Variants in CIPC observed in about 807,000 individuals in gnomAD.
CIPC encodes the protein CLOCK interacting pacemaker, also known as CLOCK-interacting pacemaker.
A neutral mutation model predicts 26.7 loss-of-function variants in CIPC; 12 were observed. That is an observed-to-expected ratio of 0.45 (90% CI 0.29 to 0.73). CIPC has a LOEUF of 0.73. Among genes scored for constraint, CIPC ranks in the 30% least tolerant of loss-of-function variants. The pLI, the probability that CIPC is intolerant of heterozygous loss-of-function variation, is 0.12. For synonymous variants in CIPC, 170 were observed against 189.8 expected (o/e 0.90, Z 0.86); for missense variants, 417 against 486.5 (o/e 0.86, Z 1.34).
In CIPC at chr14:77,114,326, G is replaced by A; in HGVS notation, c.*8G>A. 6.3e-7 allele frequency: 1 copy of A among 1,580,776 alleles called. No homozygotes were observed. The highest frequency in any genetic ancestry group is 8.6e-7 in the Non-Finnish European group (1 of 1,165,620). ...GATCACCCAGCCATATAGCACAGAG[G>A]CATATTTTCCTGTTACTTGAGTGGT... On this transcript the variant is annotated 3_prime_UTR_variant, in exon 4 of 4. Transcript: ENST00000361786.
chr14:77,103,250 G>C (rs1886526964), intron 1 of CIPC, among the ~76,000 whole-genome samples: 2 of 152,142 alleles, frequency 1.3e-5, no homozygotes, highest in South Asian at 2.1e-4. Context: ...CGAGCAAGAG[G>C]GTTGCTTATA....
chr14:77,105,178 G>GAGGTGGCAC (rs1566804339), intron 1 of CIPC, among the ~76,000 whole-genome samples: 1 of 152,180 alleles, frequency 6.6e-6, no homozygotes, highest in Non-Finnish European at 1.5e-5. Context: ...AACACTGTGG[G>GAGGTGGCAC]AGGTGGCAAT....
rs1200746471 is a variant in CIPC, at chr14:77,115,238, CTTG to C, written c.*923_*925del. 1.7e-4 allele frequency: 9 copies of C among 52,206 alleles called. No individual in the cohort carries two copies. Among genetic ancestry groups the C allele is most frequent in the South Asian group, 2.3e-3 (2 of 862 alleles). 3.2% of individuals were successfully genotyped at this position (52,206 alleles called of 1,614,324 possible). ...TAGTATAAGTTAACTCTGCTGCCATCTTGTTTTTTTTTTTTTTCCTTTATTTTG... is the reference window on the plus strand; with the variant it reads ...TAGTATAAGTTAACTCTGCTGCCATCTTTTTTTTTTTTTTCCTTTATTTTG... On this transcript the variant is annotated 3_prime_UTR_variant, in exon 4 of 4. Transcript: ENST00000361786.
intron 3 of CIPC, among the ~76,000 whole-genome samples, chr14:77,110,548 C>T (rs1226991279): frequency 7.2e-5 from 11 of 152,186 alleles, no homozygotes; most frequent in African/African-American, 2.7e-4. Flanking sequence ...GGAGTGGAAA[C>T]ACATCCTGTT....
chr14:77,102,409 A>C (rs1196419197), intron 1 of CIPC, among the ~76,000 whole-genome samples: 2 of 152,202 alleles, frequency 1.3e-5, no homozygotes, highest in Non-Finnish European at 2.9e-5. Flanking sequence ...ATTATGCTAA[A>C]GTGCCATACT....
Position 77,113,842 on chromosome 14 carries a change from A to G in CIPC, c.724A>G (p.Thr242Ala). 6.2e-7 allele frequency: 1 copy of G among 1,613,370 alleles called. No individual in the cohort carries two copies. The highest frequency in any genetic ancestry group is 8.5e-7 in the Non-Finnish European group (1 of 1,179,878). The part of the protein sequence containing the change: ...PSLVAGGSPQ[T>A]LQPVSSSHVA... The stretch of plus-strand genomic sequence containing the variant: ...TCTGGTGGCAGGTGGAAGTCCACAG[A>G]CTCTTCAGCCGGTATCCAGCAGTCA... Residue 242 changes from threonine to alanine, a missense_variant, in exon 4 of 4, where the codon ACT becomes GCT. Physicochemically the swap from Thr to Ala is moderately conservative, Grantham distance 58 (BLOSUM62 0). Transcript: ENST00000361786.
rs374768196 is a variant in CIPC at position 77,113,759 on chromosome 14, C to A, written c.641C>A (p.Thr214Lys). 1.2e-6 allele frequency: 2 copies of A among 1,613,156 alleles called. No homozygotes were observed. The highest frequency in any genetic ancestry group is 1.7e-5 in the Admixed American group (1 of 60,000). ...KAGAVPSSPS[T>K]PAPPSAKLAE... ...GGTGCTGTCCCATCCAGTCCCTCGA[C>A]GCCAGCACCACCCAGCGCCAAACTT... is the stretch of plus-strand genomic sequence containing the variant. Residue 214 changes from threonine (T) to lysine (K), a missense_variant, in exon 4 of 4, where the codon ACG becomes AAG. Coordinates refer to ENST00000361786, the MANE Select transcript of CIPC (RefSeq NM_033426.3).
chr14:77,117,077 A>G lies in CIPC; in HGVS notation c.*2759A>G, dbSNP rs146927138. The stretch of plus-strand genomic sequence containing the variant: ...TTATTACACTCATTGGTTTTTATTG[A>G]TTATAGTATTGTCTGACTTTTTATT... On this transcript the variant is annotated 3_prime_UTR_variant, in exon 4 of 4. Transcript: ENST00000361786. 53 of 152,548 alleles carry G rather than the reference A, an allele frequency of 3.5e-4. 1 individual carries two copies. In the East Asian group the frequency reaches 0.01, roughly 29 times the overall value. The allele number at this position is 152,548 out of a possible 1,614,324, so 9.4% of individuals were successfully genotyped here. A position where few individuals can be genotyped will look rare whatever the true frequency, so the allele number is the denominator to read the frequency against.
intron 1 of CIPC, among the ~76,000 whole-genome samples, chr14:77,100,865 G>A (rs888503225): frequency 1.3e-5 from 2 of 152,064 alleles, no homozygotes; most frequent in Admixed American, 6.6e-5. Flanking sequence ...CACCACACCC[G>A]GCCTGATTCA....
chr14:77,114,020 G>A lies in CIPC; in HGVS notation c.902G>A (p.Arg301His), dbSNP rs369705461. ...TTATGGGCTGCAGAGCACCTCTGCCGCAGCCCAGATATCTTTTCAGAGCAG... is the reference window on the plus strand; with the variant it reads ...TTATGGGCTGCAGAGCACCTCTGCCACAGCCCAGATATCTTTTCAGAGCAG... The part of the protein sequence containing the change: ...SPLWAAEHLC[R>H]SPDIFSEQRQ... Residue 301 changes from arginine (R) to histidine (H), a missense_variant, in exon 4 of 4, where the codon CGC becomes CAC. Arg to His is a conservative substitution (Grantham distance 29). Transcript: ENST00000361786. 2.7e-5 allele frequency: 44 copies of A among 1,614,080 alleles called. No homozygotes were observed. The East Asian group carries it at 7.6e-4, about 28-fold the overall frequency.
At chr14:77,105,927 T>G (rs1886583240) in intron 2 of CIPC, 83 bp downstream of exon 2, 3 of 1,516,764 alleles carry the variant, frequency 2.0e-6, no homozygotes, top group Non-Finnish European at 9.1e-7. Context: ...ATTTATGTGA[T>G]AAGGATGGGA....
chr14:77,099,196 C>A (rs1046815339), intron 1 of CIPC: 1 of 152,412 alleles, frequency 6.6e-6, no homozygotes, highest in Non-Finnish European at 1.5e-5. Flanking sequence ...TGGGCTGGTG[C>A]GAATGGGTAG....
At position 77,114,132 on chromosome 14, in the gene CIPC, G is replaced by A. The variant is rs1886760609; in HGVS notation, c.1014G>A (p.Glu338=). 6.2e-7 allele frequency: 1 copy of A among 1,614,086 alleles called. No individual in the cohort carries two copies. Among genetic ancestry groups the A allele is most frequent in the Non-Finnish European group, 8.5e-7 (1 of 1,180,028 alleles). ...GLLEITLKTK[E]LIRQNQATQV... The stretch of plus-strand genomic sequence containing the variant: ...TGGAGATCACTTTGAAAACCAAGGA[G>A]TTGATTCGTCAGAATCAGGCAACTC... The change falls in exon 4 of 4, where the codon GAG becomes GAA. Residue 338 remains glutamate, a synonymous_variant. Transcript: ENST00000361786.
chr14:77,103,330 T>A (rs1886528361), intron 1 of CIPC, among the ~76,000 whole-genome samples: 1 of 152,260 alleles, frequency 6.6e-6, no homozygotes, highest in Admixed American at 6.5e-5. Context: ...TCACTAGATC[T>A]TATATTAGCA....
At position 77,103,687 on chromosome 14, in the gene CIPC, C is replaced by T. The variant is rs1226616750; in HGVS notation, c.-52-1970C>T. Among the ~76,000 whole-genome samples the T allele has an allele frequency of 3.3e-5, 5 of 152,306 alleles. No individual in the cohort carries two copies. The East Asian group carries it at 9.6e-4, about 29-fold the overall frequency. On this transcript the variant is annotated intron_variant, in intron 1 of 3. Transcript: ENST00000361786. ...TATTCTTGGCACTGTTGATCTAGGT[C>T]TGGATCTGCTGTGGACTAGCTGTTT... is the stretch of plus-strand genomic sequence containing the variant.
chr14:77,111,392 G>A (rs1886697915), intron 3 of CIPC, among the ~76,000 whole-genome samples: 2 of 152,150 alleles, frequency 1.3e-5, no homozygotes, highest in African/African-American at 2.4e-5. Context: ...AGTAGTCTAG[G>A]AGTTTTGTTT....
rs1886546174 is a variant in CIPC, at chr14:77,104,170, G to A, written c.-52-1487G>A. Among the ~76,000 whole-genome samples the A allele has an allele frequency of 1.3e-5, 2 of 152,186 alleles. 1 individual carries two copies. The highest frequency in any genetic ancestry group is 4.1e-4 in the South Asian group (2 of 4,828). On this transcript the variant is annotated intron_variant, in intron 1 of 3. Transcript: ENST00000361786. ...GAGCCAAGCCCGTGGTGGAAGGATT[G>A]TTTGAGCCTAAGAGTTCACGACCAG...
intron 2 of CIPC, among the ~76,000 whole-genome samples, chr14:77,108,607 C>G (rs1371214300): frequency 6.6e-6 from 1 of 151,990 alleles, no homozygotes; most frequent in African/African-American, 2.4e-5. Context: ...AGGAGAACCG[C>G]TTGAACCCGG....
chr14:77,114,283 G>T lies in CIPC; in HGVS notation c.1165G>T (p.Asp389Tyr). 1 of 1,612,610 alleles carries T rather than the reference G, an allele frequency of 6.2e-7. No homozygotes were observed. The highest frequency in any genetic ancestry group is 1.1e-5 in the South Asian group (1 of 91,044). The change falls in exon 4 of 4, where the codon GAC becomes TAC. Residue 389 changes from aspartate (D) to tyrosine (Y), a missense_variant. Coordinates refer to ENST00000361786, the MANE Select transcript of CIPC (RefSeq NM_033426.3). The stretch of plus-strand genomic sequence containing the variant: ...ACCTGGGTCCAGTAATACAGGCAGT[G>T]ACCTAGAAGCATTCTCTGATCACCC... ...LTPGSSNTGS[D>Y]LEAFSDHPAI
Sources: gnomAD v4.1 joint callset for allele counts (sites outside exome capture counted in the v4.1 genomes callset) on GRCh38, gnomAD v4.1.1 for gene constraint, MANE v1.5 for transcripts, NCBI Gene and HGNC (gene_info 2026-07-23, HGNC 2026-07-21) for gene names.